ERGIC2: variants seen among roughly 807,000 people sequenced by gnomAD.
ERGIC2 encodes ERGIC and golgi 2, also known as endoplasmic reticulum-Golgi intermediate compartment protein 2.
A neutral mutation model predicts 52.5 loss-of-function variants in ERGIC2; 31 were observed. The ratio of observed to expected loss-of-function variants is 0.59; its 90% CI spans 0.44 to 0.80. The LOEUF (loss-of-function observed/expected upper bound fraction) is 0.80, where lower values mean the gene tolerates loss of function less well. Among genes scored for constraint, ERGIC2 ranks in the 30% least tolerant of loss-of-function variants. The pLI is 0.00. For synonymous variants in ERGIC2, 129 were observed against 140.6 expected, an observed-to-expected ratio of 0.92 and a Z score of 0.58; for missense variants, 395 against 455.2, an observed-to-expected ratio of 0.87 and a Z score of 1.20.
chr12:29,372,548 G>C (rs1357335651), intron 1 of ERGIC2: 1 of 152,074 alleles, frequency 6.6e-6, no homozygotes, highest in Non-Finnish European at 1.5e-5. Flanking sequence ...ATTTGATTAC[G>C]AGGATATTTC....
intron 6 of ERGIC2, among the ~76,000 whole-genome samples, chr12:29,358,442 T>C (rs1565540028): frequency 6.6e-6 from 1 of 152,184 alleles, no homozygotes; most frequent in Non-Finnish European, 1.5e-5. Flanking sequence ...TCATTCTGTA[T>C]GGCAGTATGG....
chr12:29,349,024 G>T, intron 10 of ERGIC2, 55 bp downstream of exon 10: 2 of 903,740 alleles, frequency 2.2e-6, no homozygotes, highest in East Asian at 2.7e-5. Context: ...TAATATTCAG[G>T]TTATAAGCAA....
At chr12:29,350,724 G>A (rs1270972754) in intron 8 of ERGIC2, among the ~76,000 whole-genome samples, 1 of 151,936 alleles carries the variant, frequency 6.6e-6, no homozygotes, top group Non-Finnish European at 1.5e-5. Flanking sequence ...TTGAAACATG[G>A]AAATTTCCTT....
At chr12:29,349,916 T>C (rs1940108295) in intron 9 of ERGIC2, 97 bp downstream of exon 9, 2 of 701,332 alleles carry the variant, frequency 2.9e-6, no homozygotes, top group Non-Finnish European at 4.9e-6. Context: ...GAATATGTTT[T>C]CAAAACAGCT....
chr12:29,362,646 G>A (rs73067438), intron 5 of ERGIC2, among the ~76,000 whole-genome samples: 36 of 151,502 alleles, frequency 2.4e-4, no homozygotes, highest in Admixed American at 6.6e-4. Flanking sequence ...CTCTACTTCT[G>A]TGATTTGATT....
intron 5 of ERGIC2, among the ~76,000 whole-genome samples, chr12:29,363,010 A>G (rs1328127742): frequency 6.6e-6 from 1 of 152,206 alleles, no homozygotes; most frequent in Non-Finnish European, 1.5e-5. Flanking sequence ...ACAAAGGTAT[A>G]AAGAAACTAC....
intron 8 of ERGIC2, 75 bp from the exon 9 acceptor site, chr12:29,350,143 TC>T (rs1940112109): frequency 4.7e-6 from 4 of 852,028 alleles, no homozygotes; most frequent in Non-Finnish European, 7.6e-6. Flanking sequence ...AACTGGATCT[TC>T]CCTAAGTTAT....
Position 29,337,437 on chromosome 12 carries a change from T to C in ERGIC2, c.*3719A>G, listed in dbSNP as rs1949804662. 1 of 151,768 alleles carries C rather than the reference T, an allele frequency of 6.6e-6. No individual in the cohort carries two copies. Among genetic ancestry groups the C allele is most frequent in the South Asian group, 2.1e-4 (1 of 4,814 alleles). 9.4% of individuals were successfully genotyped at this position (151,768 alleles called of 1,614,324 possible). A position where few individuals can be genotyped will look rare whatever the true frequency, so the allele number is the denominator to read the frequency against. Reference sequence around the variant, plus strand: ...TTTTTCTCTCAAGACAAAAAAAAAATCCAAGGCAGTCTGTTTTCTCCTCTT... The same window carrying C: ...TTTTTCTCTCAAGACAAAAAAAAAACCCAAGGCAGTCTGTTTTCTCCTCTT... On this transcript the variant is annotated 3_prime_UTR_variant, in exon 14 of 14. Transcript: ENST00000360150.
At chr12:29,373,189 A>G (rs1940467949) in intron 1 of ERGIC2, among the ~76,000 whole-genome samples, 1 of 152,158 alleles carries the variant, frequency 6.6e-6, no homozygotes, top group Non-Finnish European at 1.5e-5. Flanking sequence ...ATCTATTTTT[A>G]TAATCAAAAC....
At chr12:29,343,348 G>C (rs557373952) in intron 11 of ERGIC2, 66 bp from the exon 12 acceptor site, 741 of 1,316,604 alleles carry the variant, frequency 5.6e-4, no homozygotes, top group Non-Finnish European at 7.1e-4. Context: ...ATGTCATCTG[G>C]TTACTTACAT....
intron 11 of ERGIC2, among the ~76,000 whole-genome samples, chr12:29,344,936 A>C (rs1940025728): frequency 6.6e-6 from 1 of 152,138 alleles, no homozygotes; most frequent in African/African-American, 2.4e-5. Flanking sequence ...TACCACCCTG[A>C]GGTAGTGGAA....
At position 29,338,201 on chromosome 12, in the gene ERGIC2, T is replaced by TA. The variant is rs1378108419; in HGVS notation, c.*2954dup. On this transcript the variant is annotated 3_prime_UTR_variant, in exon 14 of 14. Coordinates refer to ENST00000360150, the MANE Select transcript of ERGIC2 (RefSeq NM_016570.3). ...AAAAAAAAAAAAAAAAATTAGAACT[T>TA]AGTCATTCCTTCATGAATTCCAAAA... 1.3e-5 allele frequency: 2 copies of TA among 151,626 alleles called. No individual in the cohort carries two copies. Among genetic ancestry groups the TA allele is most frequent in the Non-Finnish European group, 2.9e-5 (2 of 67,918 alleles). 9.4% of individuals were successfully genotyped at this position (151,626 alleles called of 1,614,324 possible). A position where few individuals can be genotyped will look rare whatever the true frequency, so the allele number is the denominator to read the frequency against.
At chr12:29,372,454 A>C (rs190642361) in intron 1 of ERGIC2, 10 of 151,742 alleles carry the variant, frequency 6.6e-5, no homozygotes, top group African/African-American at 1.9e-4. Flanking sequence ...AAGAAGAAGA[A>C]GACATTTACC....
rs144052581 is a variant in ERGIC2, at chr12:29,353,429, C to T, written c.572+2953G>A. Among the ~76,000 whole-genome samples the T allele has an allele frequency of 6.1e-3, 922 of 152,246 alleles. 3 individuals carry two copies. The highest frequency in any genetic ancestry group is 0.027 in the Middle Eastern group (8 of 294). On this transcript the variant is annotated intron_variant, in intron 8 of 13. Coordinates refer to ENST00000360150, the MANE Select transcript of ERGIC2 (RefSeq NM_016570.3). ...TTACAATACTACACGTTGAATATCCCTTATCCAAAATGCTTGGGATCAGAA... is the reference window on the plus strand; with the variant it reads ...TTACAATACTACACGTTGAATATCCTTTATCCAAAATGCTTGGGATCAGAA...
chr12:29,345,524 T>A lies in ERGIC2; in HGVS notation c.744A>T (p.Gln248His). 2 of 1,584,390 alleles carry A rather than the reference T, an allele frequency of 1.3e-6. No homozygotes were observed. The highest frequency in any genetic ancestry group is 1.7e-6 in the Non-Finnish European group (2 of 1,156,034). The change falls in exon 11 of 14, where the codon CAA becomes CAT. Residue 248 changes from glutamine to histidine, a missense_variant. Transcript: ENST00000360150. Reference sequence around the variant, plus strand: ...TTGTTGGCACAACTGTAATAAAATATTGGAACATCTGGTTGTCTAGAATAC... The same window carrying A: ...TTGTTGGCACAACTGTAATAAAATAATGGAACATCTGGTTGTCTAGAATAC... ...KIAIDHNQMFQYFITVVPTKL... is the reference protein window; with the variant it reads ...KIAIDHNQMFHYFITVVPTKL...
At chr12:29,374,758 A>C (rs533441966) in intron 1 of ERGIC2, among the ~76,000 whole-genome samples, 1 of 152,308 alleles carries the variant, frequency 6.6e-6, no homozygotes, top group South Asian at 2.1e-4. Context: ...CCTACTGAGA[A>C]ATTCCTTATG....
intron 13 of ERGIC2, 79 bp downstream of exon 13, chr12:29,341,655 G>A (rs1330907569): frequency 1.4e-5 from 11 of 771,370 alleles, no homozygotes; most frequent in South Asian, 5.0e-5. Flanking sequence ...TTACAGGTGT[G>A]AGCCACCATG....
rs1949823925 is a variant in ERGIC2, at chr12:29,339,737, A to T, written c.*1419T>A. 6.6e-6 allele frequency: 1 copy of T among 152,086 alleles called. No homozygotes were observed. The highest frequency in any genetic ancestry group is 1.9e-4 in the East Asian group (1 of 5,198). The allele number at this position is 152,086 out of a possible 1,614,324, so 9.4% of individuals were successfully genotyped here. A position where few individuals can be genotyped will look rare whatever the true frequency, so the allele number is the denominator to read the frequency against. On this transcript the variant is annotated 3_prime_UTR_variant, in exon 14 of 14. Coordinates refer to ENST00000360150, the MANE Select transcript of ERGIC2 (RefSeq NM_016570.3). ...TCTCCTTCTCTCCATTATATTGTTT[A>T]TCCTGTTTTCATAAATTTATCTTTA...
At chr12:29,353,646 T>C (rs1940163432) in intron 8 of ERGIC2, among the ~76,000 whole-genome samples, 2 of 152,096 alleles carry the variant, frequency 1.3e-5, no homozygotes, top group East Asian at 1.9e-4. Context: ...GCTCAACCTA[T>C]ACATTTTACT....
Sources: gnomAD v4.1 joint callset for allele counts (sites outside exome capture counted in the v4.1 genomes callset) on GRCh38, gnomAD v4.1.1 for gene constraint, MANE v1.5 for transcripts, NCBI Gene and HGNC (gene_info 2026-07-23, HGNC 2026-07-21) for gene names.